Variants in AUTS2 observed in about 807,000 individuals in gnomAD.
AUTS2 encodes the protein activator of transcription and developmental regulator AUTS2, also known as autism susceptibility gene 2 protein.
In AUTS2, 17 loss-of-function variants were observed where a neutral mutation model predicts 112.4. The ratio of observed to expected loss-of-function variants is 0.15; its 90% CI spans 0.10 to 0.23. The LOEUF (loss-of-function observed/expected upper bound fraction) is 0.23. AUTS2 is among the 10% of genes least tolerant of loss of function. The probability of loss-of-function intolerance (pLI) is 1.00; values close to 1 mark genes in which losing one functional copy is unlikely to be tolerated. For synonymous variants in AUTS2, 751 were observed against 702.7 expected (o/e 1.07, Z -1.09); for missense variants, 1,510 against 1,701.6 (o/e 0.89, Z 1.98).
At chr7:69,932,312 A>G (rs1796255836) in intron 2 of AUTS2, among the ~76,000 whole-genome samples, 1 of 152,216 alleles carries the variant, frequency 6.6e-6, no homozygotes, top group Non-Finnish European at 1.5e-5. Context: ...CAGCTGGTAT[A>G]CAAGTATAGA....
intron 1 of AUTS2, among the ~76,000 whole-genome samples, chr7:69,674,390 C>A (rs1267517762): frequency 6.6e-6 from 1 of 152,122 alleles, no homozygotes; most frequent in Non-Finnish European, 1.5e-5. Context: ...GGGTGCTGGT[C>A]TGACTCTTGA....
chr7:69,814,083 T>C (rs1256061472), intron 1 of AUTS2, among the ~76,000 whole-genome samples: 2 of 152,210 alleles, frequency 1.3e-5, no homozygotes, highest in African/African-American at 2.4e-5. Context: ...CATTATTCCA[T>C]TGAGGCTCTC....
At chr7:70,357,345 C>A (rs2129625216) in intron 4 of AUTS2, among the ~76,000 whole-genome samples, 1 of 152,306 alleles carries the variant, frequency 6.6e-6, no homozygotes, top group East Asian at 1.9e-4. Context: ...AACCACCTCC[C>A]TTATTTGTTG....
At chr7:70,729,759 G>A (rs968124571) in intron 6 of AUTS2, among the ~76,000 whole-genome samples, 1 of 152,216 alleles carries the variant, frequency 6.6e-6, no homozygotes, top group African/African-American at 2.4e-5. Context: ...AGGATAAGAG[G>A]TTGAGAAGTT....
At chr7:70,762,119 C>G (rs1290869458) in intron 6 of AUTS2, among the ~76,000 whole-genome samples, 1 of 152,128 alleles carries the variant, frequency 6.6e-6, no homozygotes, top group Non-Finnish European at 1.5e-5. Context: ...AAAAAACATC[C>G]GTGTGATGTT....
At chr7:69,897,551 C>A (rs1319871138) in intron 1 of AUTS2, among the ~76,000 whole-genome samples, 5 of 150,618 alleles carry the variant, frequency 3.3e-5, no homozygotes, top group African/African-American at 1.2e-4. Context: ...CATCTCCTGG[C>A]CAACATGGTG....
At chr7:69,942,410 G>A (rs1796660839) in intron 2 of AUTS2, among the ~76,000 whole-genome samples, 2 of 152,302 alleles carry the variant, frequency 1.3e-5, no homozygotes, top group South Asian at 2.1e-4. Context: ...CCTAAGGTTT[G>A]TAGTAGTTGG....
chr7:69,998,484 A>G (rs1023039115), intron 2 of AUTS2, among the ~76,000 whole-genome samples: 12 of 152,150 alleles, frequency 7.9e-5, no homozygotes, highest in Non-Finnish European at 1.3e-4. Flanking sequence ...CATGTATCTG[A>G]GCAAGTTGCT....
chr7:70,595,971 C>T (rs1165377962), intron 5 of AUTS2: 1 of 149,970 alleles, frequency 6.7e-6, no homozygotes, highest in Non-Finnish European at 1.5e-5. Flanking sequence ...TCTGCCTGCG[C>T]GCTTTGCCTG....
intron 2 of AUTS2, among the ~76,000 whole-genome samples, chr7:70,065,438 A>G (rs1472361033): frequency 6.6e-6 from 1 of 152,186 alleles, no homozygotes; most frequent in Non-Finnish European, 1.5e-5. Context: ...TAACACCTGT[A>G]ATCCCAGCAC....
chr7:70,112,273 A>G (rs898266262), intron 2 of AUTS2, among the ~76,000 whole-genome samples: 12 of 152,082 alleles, frequency 7.9e-5, no homozygotes, highest in African/African-American at 2.6e-4. Flanking sequence ...TTTAGGTGAT[A>G]TGGATATTCA....
intron 4 of AUTS2, among the ~76,000 whole-genome samples, chr7:70,272,266 T>C (rs1787730224): frequency 6.6e-6 from 1 of 152,110 alleles, no homozygotes; most frequent in South Asian, 2.1e-4. Context: ...CACATTTTAG[T>C]CATGAAATAT....
intron 2 of AUTS2, among the ~76,000 whole-genome samples, chr7:69,967,883 C>T (rs1248277889): frequency 6.6e-6 from 1 of 152,126 alleles, no homozygotes; most frequent in African/African-American, 2.4e-5. Flanking sequence ...GCTCCTCTGG[C>T]CACTTGGGGA....
intron 5 of AUTS2, among the ~76,000 whole-genome samples, chr7:70,681,835 G>C (rs1170891128): frequency 6.6e-6 from 1 of 152,134 alleles, no homozygotes; most frequent in Non-Finnish European, 1.5e-5. Flanking sequence ...CCAACCCTAT[G>C]TTCCAACTTA....
intron 2 of AUTS2, among the ~76,000 whole-genome samples, chr7:69,975,969 C>T (rs576591466): frequency 2.6e-5 from 4 of 152,152 alleles, no homozygotes; most frequent in Admixed American, 6.5e-5. Context: ...TGAACCATCT[C>T]GCCCAGCTGA....
At chr7:70,640,436 A>AAAC (rs1385984576) in intron 5 of AUTS2, among the ~76,000 whole-genome samples, 1 of 151,320 alleles carries the variant, frequency 6.6e-6, no homozygotes, top group Non-Finnish European at 1.5e-5. Context: ...AAAAAAAAAA[A>AAAC]AAAAAACCAT....
intron 2 of AUTS2, among the ~76,000 whole-genome samples, chr7:69,999,343 C>A (rs1442853983): frequency 1.3e-5 from 2 of 152,130 alleles, no homozygotes; most frequent in African/African-American, 4.8e-5. Context: ...CTTTAGGAAA[C>A]ATGCTTCATC....
intron 4 of AUTS2, among the ~76,000 whole-genome samples, chr7:70,404,799 G>C (rs562481016): frequency 1.3e-5 from 2 of 152,274 alleles, no homozygotes; most frequent in South Asian, 2.1e-4. Flanking sequence ...AGAAGATACA[G>C]GGGAAAAGAA....
chr7:69,945,968 C>A (rs1796794503), intron 2 of AUTS2, among the ~76,000 whole-genome samples: 1 of 152,112 alleles, frequency 6.6e-6, no homozygotes, highest in South Asian at 2.1e-4. Context: ...TCCTGAGTAG[C>A]TGGGATTATA....
Sources: allele counts gnomAD v4.1 joint callset (sites outside exome capture counted in the v4.1 genomes callset), GRCh38; gene constraint gnomAD v4.1.1; transcripts MANE v1.5; gene names NCBI Gene and HGNC (gene_info 2026-07-23, HGNC 2026-07-21).